KCNIP4: variants seen among roughly 807,000 people sequenced by gnomAD.
KCNIP4 encodes the protein Kv channel-interacting protein 4.
A neutral mutation model predicts 34.0 loss-of-function variants in KCNIP4; 12 were observed. The ratio of observed to expected loss-of-function variants is 0.35; its 90% CI spans 0.23 to 0.57. The LOEUF (loss-of-function observed/expected upper bound fraction) is 0.57. Among genes scored for constraint, KCNIP4 ranks in the 20% least tolerant of loss-of-function variants. KCNIP4 has a pLI of 0.83. For missense variants in KCNIP4, 238 were observed against 311.7 expected (o/e 0.76, Z 1.78); for synonymous variants, 124 against 102.2 (o/e 1.21, Z -1.29).
chr4:21,395,460 A>G (rs1160180677), intron 1 of KCNIP4, among the ~76,000 whole-genome samples: 1 of 152,104 alleles, frequency 6.6e-6, no homozygotes, highest in African/African-American at 2.4e-5. Context: ...TAACTTAGGT[A>G]TATAGGCCTC....
At chr4:21,200,621 T>C (rs1235818105) in intron 1 of KCNIP4, among the ~76,000 whole-genome samples, 1 of 151,246 alleles carries the variant, frequency 6.6e-6, no homozygotes, top group Non-Finnish European at 1.5e-5. Context: ...ATAATGGAAA[T>C]GGGAGACTCA....
At chr4:21,252,647 C>T (rs1382854572) in intron 1 of KCNIP4, among the ~76,000 whole-genome samples, 1 of 151,994 alleles carries the variant, frequency 6.6e-6, no homozygotes, top group Non-Finnish European at 1.5e-5. Flanking sequence ...GAAAAATTTC[C>T]CCATGCTGTC....
intron 1 of KCNIP4, among the ~76,000 whole-genome samples, chr4:21,194,368 C>T (rs184141116): frequency 1.1e-4 from 17 of 152,196 alleles, no homozygotes; most frequent in African/African-American, 4.1e-4. Flanking sequence ...GGTTTATTGA[C>T]GATTGGCCAT....
In KCNIP4 at chr4:20,996,847, C is replaced by A. The variant is rs371116711; in HGVS notation, c.62-114138G>T. On this transcript the variant is annotated intron_variant, in intron 1 of 8. Transcript: ENST00000382152. The stretch of plus-strand genomic sequence containing the variant: ...TGCTCCTCACATGTGGGCCCTTTAC[C>A]GACCTCATTCATCTCACTGTCTCCA... Among the ~76,000 whole-genome samples the A allele has an allele frequency of 1.1e-3, 171 of 148,920 alleles. 2 individuals carry two copies. The South Asian group carries it at 0.035, about 31-fold the overall frequency.
intron 1 of KCNIP4, among the ~76,000 whole-genome samples, chr4:21,527,136 G>T (rs577207294): frequency 6.6e-6 from 1 of 152,076 alleles, no homozygotes; most frequent in Non-Finnish European, 1.5e-5. Context: ...CTAGGCTGCC[G>T]TTTCCATTTG....
chr4:21,586,566 G>T (rs1741632923), intron 1 of KCNIP4, among the ~76,000 whole-genome samples: 1 of 151,916 alleles, frequency 6.6e-6, no homozygotes, highest in African/African-American at 2.4e-5. Context: ...TGAATTAAAA[G>T]GTTCCAAAAA....
At chr4:20,782,746 C>G (rs1310632885) in intron 3 of KCNIP4, among the ~76,000 whole-genome samples, 1 of 152,140 alleles carries the variant, frequency 6.6e-6, no homozygotes, top group Non-Finnish European at 1.5e-5. Context: ...CTCTGACACA[C>G]CCTGGAGACA....
chr4:21,760,840 A>C lies in KCNIP4; in HGVS notation c.61+187731T>G, dbSNP rs1457288605. 2.6e-5 allele frequency among the ~76,000 whole-genome samples: 4 copies of C among 152,154 alleles called. No homozygotes were observed. In the East Asian group the frequency reaches 7.7e-4, roughly 29 times the overall value. Reference sequence around the variant, plus strand: ...TATTTTCCATCCACACTCCCAATGCATTCTATAGCAAGACCAGCATGGAAT... The same window carrying C: ...TATTTTCCATCCACACTCCCAATGCCTTCTATAGCAAGACCAGCATGGAAT... On this transcript the variant is annotated intron_variant, in intron 1 of 8. Coordinates refer to ENST00000382152, the MANE Select transcript of KCNIP4 (RefSeq NM_025221.6).
chr4:20,966,260 A>T (rs1290771332), intron 1 of KCNIP4, among the ~76,000 whole-genome samples: 1 of 152,182 alleles, frequency 6.6e-6, no homozygotes, highest in African/African-American at 2.4e-5. Context: ...TCTGGTCTTC[A>T]ATATTCTCTT....
intron 1 of KCNIP4, among the ~76,000 whole-genome samples, chr4:21,944,359 C>T (rs930108398): frequency 2.0e-5 from 3 of 151,476 alleles, no homozygotes; most frequent in African/African-American, 4.9e-5. Flanking sequence ...GCCTGACCAA[C>T]GTGGTGAAAC....
At chr4:20,848,230 T>A (rs28469566) in intron 3 of KCNIP4, among the ~76,000 whole-genome samples, 2,902 of 151,836 alleles carry the variant, frequency 0.019, 90 homozygotes, top group African/African-American at 0.062. Context: ...ATTTGTCTCA[T>A]GGGGCAGGGT....
intron 1 of KCNIP4, among the ~76,000 whole-genome samples, chr4:21,735,088 G>A (rs1715892272): frequency 6.6e-6 from 1 of 152,024 alleles, no homozygotes; most frequent in African/African-American, 2.4e-5. Context: ...TCAACAGTGA[G>A]ATAACATCCT....
At chr4:21,362,929 T>C (rs1190630515) in intron 1 of KCNIP4, among the ~76,000 whole-genome samples, 5 of 152,120 alleles carry the variant, frequency 3.3e-5, no homozygotes, top group Non-Finnish European at 5.9e-5. Context: ...TTCTTGCATC[T>C]GTTATTTAGC....
intron 1 of KCNIP4, among the ~76,000 whole-genome samples, chr4:21,103,318 A>G (rs1748121769): frequency 6.8e-6 from 1 of 146,648 alleles, no homozygotes; most frequent in African/African-American, 2.5e-5. Flanking sequence ...TATAATATAT[A>G]ATATAAAATA....
Position 21,669,926 on chromosome 4 carries a change from G to T in KCNIP4, c.61+278645C>A, listed in dbSNP as rs62302867. 2.3e-3 allele frequency among the ~76,000 whole-genome samples: 354 copies of T among 152,162 alleles called. 3 individuals carry two copies. Among genetic ancestry groups the T allele is most frequent in the Middle Eastern group, 0.01 (3 of 294 alleles). On this transcript the variant is annotated intron_variant, in intron 1 of 8. Transcript: ENST00000382152. ...ATTTTCAAAGTAAAATGGGTGAACT[G>T]TTAGCAATGATAAAAATTATACCTA...
intron 1 of KCNIP4, among the ~76,000 whole-genome samples, chr4:21,803,930 CG>C (rs1416295263): frequency 1.3e-5 from 2 of 152,122 alleles, no homozygotes; most frequent in African/African-American, 4.8e-5. Flanking sequence ...GCAAAGATCA[CG>C]GGGAATAGAT....
chr4:21,738,501 G>A (rs1298828288), intron 1 of KCNIP4, among the ~76,000 whole-genome samples: 1 of 152,162 alleles, frequency 6.6e-6, no homozygotes, highest in Non-Finnish European at 1.5e-5. Flanking sequence ...TTAATTCCTA[G>A]AAAGCATCAC....
intron 1 of KCNIP4, among the ~76,000 whole-genome samples, chr4:21,795,260 G>A (rs1212684948): frequency 2.0e-5 from 3 of 152,154 alleles, no homozygotes; most frequent in African/African-American, 7.2e-5. Context: ...GTGAGGATGT[G>A]GTGAGGAGCG....
chr4:21,628,677 A>G (rs989668367), intron 1 of KCNIP4, among the ~76,000 whole-genome samples: 5 of 152,188 alleles, frequency 3.3e-5, no homozygotes, highest in African/African-American at 4.8e-5. Context: ...CTATTATTCA[A>G]TGTGATCCTA....
Sources: allele counts gnomAD v4.1 joint callset (sites outside exome capture counted in the v4.1 genomes callset), GRCh38; gene constraint gnomAD v4.1.1; transcripts MANE v1.5; gene names NCBI Gene and HGNC (gene_info 2026-07-23, HGNC 2026-07-21).